TTC27: variants seen among roughly 807,000 people sequenced by gnomAD.
TTC27 encodes tetratricopeptide repeat protein 27.
Under a neutral mutation model 115.9 loss-of-function variants are expected in TTC27, and 79 were observed. That is an observed-to-expected ratio of 0.68 (90% confidence interval 0.57 to 0.82). TTC27 has a LOEUF of 0.82. Ranked by LOEUF, TTC27 falls within the 40% of genes least tolerant of loss-of-function variation. The pLI is 0.00. For synonymous variants in TTC27, 401 were observed against 356.0 expected (o/e 1.13, Z -1.42); for missense variants, 1,054 against 993.1 (o/e 1.06, Z -0.82).
chr2:32,790,406 T>C (rs959630066), intron 16 of TTC27, among the ~76,000 whole-genome samples: 7 of 152,122 alleles, frequency 4.6e-5, no homozygotes, highest in African/African-American at 1.7e-4. Flanking sequence ...TATCATTTTC[T>C]TTCTTGTTTA....
At chr2:32,766,567 A>G (rs1042697062) in intron 13 of TTC27, 4 of 285,058 alleles carry the variant, frequency 1.4e-5, no homozygotes, top group East Asian at 1.1e-4. Flanking sequence ...TCACTGTCCT[A>G]TATGTGTGCA....
At chr2:32,805,081 T>G (rs1220795799) in intron 16 of TTC27, among the ~76,000 whole-genome samples, 1 of 152,216 alleles carries the variant, frequency 6.6e-6, no homozygotes. Flanking sequence ...TAAATTGATG[T>G]AGCAAATGCT....
intron 9 of TTC27, among the ~76,000 whole-genome samples, chr2:32,692,638 TC>T (rs759394151): frequency 1.6e-4 from 25 of 152,140 alleles, no homozygotes; most frequent in Non-Finnish European, 3.2e-4. Context: ...AACATCAAAT[TC>T]CTAGGAATAA....
rs151027001 is a variant in TTC27, at chr2:32,691,488, G to A, written c.1120-11319G>A. 4.0e-3 allele frequency among the ~76,000 whole-genome samples: 603 copies of A among 151,878 alleles called. 6 individuals are homozygous for A. The highest frequency in any genetic ancestry group is 6.0e-3 in the Non-Finnish European group (405 of 67,918). On this transcript the variant is annotated intron_variant, in intron 9 of 19. Transcript: ENST00000317907. ...TAATTTTTGTATTTTTAGTAGAGAC[G>A]GGGTTTCATCATGTTGCCCAGGCTG...
At chr2:32,652,326 G>A (rs1220493045) in intron 5 of TTC27, among the ~76,000 whole-genome samples, 2 of 152,100 alleles carry the variant, frequency 1.3e-5, no homozygotes, top group East Asian at 1.9e-4. Flanking sequence ...AGCTGAGATC[G>A]CGTCATTGCA....
At chr2:32,814,562 A>T (rs534307175) in intron 18 of TTC27, among the ~76,000 whole-genome samples, 3 of 152,346 alleles carry the variant, frequency 2.0e-5, no homozygotes, top group South Asian at 2.1e-4. Context: ...CCACCCAATT[A>T]TAAAAAGGAA....
In TTC27 at chr2:32,666,623, T is replaced by C; in HGVS notation, c.806-12T>C. On this transcript the variant is annotated splice_polypyrimidine_tract_variant and intron_variant, in intron 6 of 19. Transcript: ENST00000317907. ...GGGTAAGTCAGTAGATATAATTTTA[T>C]TGTTTTTTCAGGTGCTTTGGGAAAA... is the stretch of plus-strand genomic sequence containing the variant. 6.2e-7 allele frequency: 1 copy of C among 1,613,742 alleles called. No homozygotes were observed. The highest frequency in any genetic ancestry group is 1.3e-5 in the African/African-American group (1 of 75,040).
intron 12 of TTC27, among the ~76,000 whole-genome samples, chr2:32,737,654 G>A (rs1376754132): frequency 2.0e-5 from 3 of 152,088 alleles, no homozygotes; most frequent in Non-Finnish European, 4.4e-5. Flanking sequence ...GGCAGTGAAG[G>A]TCTTTGAATT....
chr2:32,807,139 A>G (rs555004051), intron 16 of TTC27, among the ~76,000 whole-genome samples: 156 of 152,302 alleles, frequency 1.0e-3, no homozygotes, highest in African/African-American at 3.6e-3. Flanking sequence ...GGCAAGTCTA[A>G]TAAATGAATA....
At chr2:32,751,258 CCA>C (rs56183534) in intron 12 of TTC27, among the ~76,000 whole-genome samples, 14,046 of 140,704 alleles carry the variant, frequency 0.1, 931 homozygotes, top group African/African-American at 0.2. Flanking sequence ...GTAGGTTAAA[CCA>C]CACACACACA....
intron 8 of TTC27, among the ~76,000 whole-genome samples, chr2:32,678,271 A>G (rs1455379785): frequency 6.6e-6 from 1 of 151,814 alleles, no homozygotes; most frequent in African/African-American, 2.4e-5. Context: ...AAAAAAAAAA[A>G]AAGATAAATT....
chr2:32,776,338 T>C (rs1669996512), intron 13 of TTC27, among the ~76,000 whole-genome samples: 1 of 152,196 alleles, frequency 6.6e-6, no homozygotes. Context: ...TTTGTGGGAA[T>C]GGCTGAAGGA....
intron 12 of TTC27, among the ~76,000 whole-genome samples, chr2:32,741,682 C>CAA (rs386389870): frequency 6.6e-6 from 1 of 151,026 alleles, no homozygotes; most frequent in Non-Finnish European, 1.5e-5. Flanking sequence ...ACAACAACAA[C>CAA]AAAAAAACAG....
At chr2:32,735,828 C>G (rs1295384328) in intron 11 of TTC27, among the ~76,000 whole-genome samples, 1 of 151,970 alleles carries the variant, frequency 6.6e-6, no homozygotes, top group African/African-American at 2.4e-5. Flanking sequence ...CCAGATTCTC[C>G]TGTATTCCAT....
In TTC27 at chr2:32,736,692, A is replaced by C; in HGVS notation, c.1330-2A>C. ...TTAATTATTTTTACTTGATTTTTCT[A>C]GCGCCAACTTGCAAGTTTGCTCTTT... On this transcript the variant is annotated splice_acceptor_variant, in intron 11 of 19. Coordinates refer to ENST00000317907, the MANE Select transcript of TTC27 (RefSeq NM_017735.5). LOFTEE classifies it high-confidence loss of function. The C allele has an allele frequency of 6.2e-7, 1 of 1,613,706 alleles. No individual in the cohort carries two copies. Among genetic ancestry groups the C allele is most frequent in the Non-Finnish European group, 8.5e-7 (1 of 1,179,798 alleles).
At chr2:32,802,483 C>T (rs1670984650) in intron 16 of TTC27, among the ~76,000 whole-genome samples, 3 of 152,170 alleles carry the variant, frequency 2.0e-5, no homozygotes, top group Non-Finnish European at 2.9e-5. Context: ...AGTCTCTCCA[C>T]ATTATTTCTG....
chr2:32,760,547 C>A (rs913329802), intron 13 of TTC27, among the ~76,000 whole-genome samples: 2 of 152,150 alleles, frequency 1.3e-5, no homozygotes, highest in Admixed American at 1.3e-4. Context: ...GGTTGAGAAA[C>A]CCTCCTCTAA....
chr2:32,656,985 C>CTTT (rs11386617), intron 5 of TTC27, among the ~76,000 whole-genome samples: 7 of 131,456 alleles, frequency 5.3e-5, no homozygotes, highest in Non-Finnish European at 6.5e-5. Context: ...TAGCACAATT[C>CTTT]TTTTTTTTTT....
At chr2:32,738,939 A>G (rs147495550) in intron 12 of TTC27, among the ~76,000 whole-genome samples, 9 of 152,336 alleles carry the variant, frequency 5.9e-5, no homozygotes, top group African/African-American at 2.2e-4. Context: ...AGAACTGCCA[A>G]ATTTTTCTGA....
Sources: allele counts gnomAD v4.1 joint callset (sites outside exome capture counted in the v4.1 genomes callset), GRCh38; gene constraint gnomAD v4.1.1; transcripts MANE v1.5; gene names NCBI Gene and HGNC (gene_info 2026-07-23, HGNC 2026-07-21).